Variants in CLCN2 observed in about 807,000 individuals in gnomAD.
CLCN2 encodes the protein chloride channel protein 2.
Under a neutral mutation model 108.3 loss-of-function variants are expected in CLCN2, and 72 were observed. The observed-to-expected ratio is 0.66, with a 90% CI of 0.55 to 0.81. The LOEUF (loss-of-function observed/expected upper bound fraction) is 0.81, where lower values mean the gene tolerates loss of function less well. Among genes scored for constraint, CLCN2 ranks in the 30% least tolerant of loss-of-function variants. The pLI is 0.00. For synonymous variants in CLCN2, 471 were observed against 467.1 expected (o/e 1.01, Z -0.11); for missense variants, 1,048 against 1,205.2 (o/e 0.87, Z 1.93).
rs1711516060 is a variant in CLCN2, at chr3:184,357,841, T to C, written c.631A>G (p.Ile211Val). 1 of 1,613,818 alleles carries C rather than the reference T, an allele frequency of 6.2e-7. No homozygotes were observed. Among genetic ancestry groups the C allele is most frequent in the Non-Finnish European group, 8.5e-7 (1 of 1,180,040 alleles). ...AGAAGGGCAGCACACATGCTTGCGA[T>C]ATGCACAAAAGGGCCCTGCGGGGTG... ...PLGKEGPFVH[I>V]ASMCAALLSK... The change falls in exon 6 of 24, where the codon ATC becomes GTC. Residue 211 changes from isoleucine to valine, a missense_variant. Ile to Val is a conservative substitution (Grantham distance 29). Transcript: ENST00000265593.
Position 184,353,292 on chromosome 3 carries a change from A to T in CLCN2, c.1986T>A (p.Asp662Glu). Reference sequence around the variant, plus strand: ...CCTCAGGGGTAGGGGGACCCTCCTGATCAGATAGTGGAGAGGTCTGGGTGG... The same window carrying T: ...CCTCAGGGGTAGGGGGACCCTCCTGTTCAGATAGTGGAGAGGTCTGGGTGG... ...RRATQTSPLS[D>E]QEGPPTPEAS... Residue 662 changes from aspartate to glutamate, a missense_variant, in exon 17 of 24, where the codon GAT becomes GAA. Coordinates refer to ENST00000265593, the MANE Select transcript of CLCN2 (RefSeq NM_004366.6). 6.2e-7 allele frequency: 1 copy of T among 1,613,766 alleles called. No homozygotes were observed.
Position 184,346,607 on chromosome 3 carries a change from C to T in CLCN2, c.2696G>A (p.Ter899=), listed in dbSNP as rs1727681354. ...CATCCTAGGCCACCCACGAGGGGCT[C>T]ATTGGCATTTGTCGTCGCTGTCGGA... ...SPSDSDDKCQ[*] Residue 899 remains the stop codon, a stop_retained_variant, in exon 24 of 24, where the codon TGA becomes TAA. Coordinates refer to ENST00000265593, the MANE Select transcript of CLCN2 (RefSeq NM_004366.6). The surrounding 1 kb of genome is among the most constrained non-coding windows in gnomAD (Gnocchi z 6.0). 1 of 1,613,872 alleles carries T rather than the reference C, an allele frequency of 6.2e-7. No individual in the cohort carries two copies. Among genetic ancestry groups the T allele is most frequent in the Non-Finnish European group, 8.5e-7 (1 of 1,180,038 alleles).
chr3:184,360,651 G>T (rs1711939367), intron 1 of CLCN2, among the ~76,000 whole-genome samples: 1 of 152,154 alleles, frequency 6.6e-6, no homozygotes, highest in Non-Finnish European at 1.5e-5. Flanking sequence ...CTAGGGCTTG[G>T]GTCTTCCACC....
rs111274390 is a variant in CLCN2, at chr3:184,355,835, T to C, written c.1086-57A>G. 1 of 1,402,888 alleles carries C rather than the reference T, an allele frequency of 7.1e-7. No homozygotes were observed. The highest frequency in any genetic ancestry group is 1.0e-6 in the Non-Finnish European group (1 of 993,924). 86.9% of individuals were successfully genotyped at this position (1,402,888 alleles called of 1,614,324 possible). A position where few individuals can be genotyped will look rare whatever the true frequency, so the allele number is the denominator to read the frequency against. ...TGGCCAAGGGCTGGGTGGCCTCGCA[T>C]ATCTCAGGGCTGAGGTCAGAGCAGA... On this transcript the variant is annotated intron_variant, in intron 10 of 23. Transcript: ENST00000265593. The surrounding 1 kb of genome is among the most constrained non-coding windows in gnomAD (Gnocchi z 6.3).
chr3:184,355,623 ACTGGGG>A lies in CLCN2; in HGVS notation c.1170+65_1170+70del. On this transcript the variant is annotated intron_variant, in intron 11 of 23. Transcript: ENST00000265593. The surrounding 1 kb of genome is among the most constrained non-coding windows in gnomAD (Gnocchi z 6.3). ...GGGGAACAAGGGGTCCCACAGTCAC[ACTGGGG>A]CTGTTGGCTTTGGAGGAATGCCTTC... 6.2e-7 allele frequency: 1 copy of A among 1,603,466 alleles called. No homozygotes were observed. The highest frequency in any genetic ancestry group is 1.1e-5 in the South Asian group (1 of 90,878).
chr3:184,360,817 G>A (rs1487183911), intron 1 of CLCN2, among the ~76,000 whole-genome samples: 1 of 152,188 alleles, frequency 6.6e-6, no homozygotes, highest in East Asian at 1.9e-4. Flanking sequence ...CATAGACAAA[G>A]GTCCCAATTC....
chr3:184,350,339 C>T (rs1404185482), intron 22 of CLCN2, among the ~76,000 whole-genome samples: 2 of 152,118 alleles, frequency 1.3e-5, no homozygotes, highest in Non-Finnish European at 2.9e-5. Flanking sequence ...GGCACGTGAC[C>T]TCCTCGCTGC....
Position 184,352,510 on chromosome 3 carries a change from A to G in CLCN2, c.2218-14T>C. ...GGATTCCAACTTCTTCAGTTTTGTT[A>G]GAGCCAAACCAGAAAGATGAGGAGT... On this transcript the variant is annotated splice_polypyrimidine_tract_variant and intron_variant, in intron 19 of 23. Coordinates refer to ENST00000265593, the MANE Select transcript of CLCN2 (RefSeq NM_004366.6). 1 of 1,612,238 alleles carries G rather than the reference A, an allele frequency of 6.2e-7. No homozygotes were observed. Among genetic ancestry groups the G allele is most frequent in the Non-Finnish European group, 8.5e-7 (1 of 1,179,512 alleles).
At chr3:184,360,388 C>A (rs573613993) in intron 1 of CLCN2, among the ~76,000 whole-genome samples, 60 of 152,156 alleles carry the variant, frequency 3.9e-4, no homozygotes, top group Middle Eastern at 6.8e-3. Flanking sequence ...AGGTGCCTGG[C>A]TTCCTTGACC....
rs1462158807 is a variant in CLCN2, at chr3:184,346,988, G to T, written c.2449C>A (p.His817Asn). Reference protein sequence around the residue: ...HTIFSLLGVDHAYVTSIGRLI... With the variant: ...HTIFSLLGVDNAYVTSIGRLI... The stretch of plus-strand genomic sequence containing the variant: ...CTGCCAATACTGGTGACATAAGCAT[G>T]GTCCACTCCCAGCAGTGAGAAGATA... Residue 817 changes from histidine (H) to asparagine (N), a missense_variant, in exon 23 of 24, where the codon CAT (histidine) becomes AAT (asparagine). Transcript: ENST00000265593. This position sits in a 1 kb window ranked among gnomAD's most constrained non-coding sequence, Gnocchi z 6.0. The T allele has an allele frequency of 6.2e-7, 1 of 1,613,972 alleles. No homozygotes were observed. Among genetic ancestry groups the T allele is most frequent in the Non-Finnish European group, 8.5e-7 (1 of 1,179,966 alleles).
intron 10 of CLCN2, chr3:184,356,598 C>G (rs1285144013): frequency 4.9e-6 from 1 of 204,942 alleles, no homozygotes; most frequent in Non-Finnish European, 9.9e-6. Flanking sequence ...GAGATCGCAC[C>G]ATTGCACTCC....
At chr3:184,360,058 G>C (rs1285083848) in intron 1 of CLCN2, among the ~76,000 whole-genome samples, 2 of 151,954 alleles carry the variant, frequency 1.3e-5, no homozygotes, top group Admixed American at 1.3e-4. Flanking sequence ...GCAAAGAGAA[G>C]AGAGGGAACT....
Position 184,346,658 on chromosome 3 carries a change from T to C in CLCN2, c.2645A>G (p.His882Arg), listed in dbSNP as rs201220597. 35 of 1,614,180 alleles carry C rather than the reference T, an allele frequency of 2.2e-5. No individual in the cohort carries two copies. The East Asian group carries it at 7.4e-4, about 34-fold the overall frequency. ...AGGGCTGCCCTCCCGGGGGAGGCCA[T>C]GACGGGAGTGGGGCCCCCAGAGTGC... ...VHALWGPHSR[H>R]GLPREGSPSD... The change falls in exon 24 of 24, where the codon CAT becomes CGT. Residue 882 changes from histidine to arginine, a missense_variant. By Grantham distance (29) the His-to-Arg change is conservative (BLOSUM62 0). Transcript: ENST00000265593. This position sits in a 1 kb window ranked among gnomAD's most constrained non-coding sequence, Gnocchi z 6.0.
intron 5 of CLCN2, 50 bp downstream of exon 5, chr3:184,357,912 G>A: frequency 1.2e-6 from 2 of 1,613,586 alleles, no homozygotes; most frequent in Non-Finnish European, 1.7e-6. Flanking sequence ...CCTTGGCCTG[G>A]CCTCCTCTTC....
At position 184,351,867 on chromosome 3, in the gene CLCN2, TATGTCTAAA is replaced by T. The variant is rs1728123088; in HGVS notation, c.2415+137_2415+145del. The T allele has an allele frequency of 6.7e-6, 5 of 742,260 alleles. No individual in the cohort carries two copies. In the East Asian group the frequency reaches 9.8e-5, roughly 15 times the overall value. 46.0% of individuals were successfully genotyped at this position (742,260 alleles called of 1,614,324 possible). On this transcript the variant is annotated intron_variant, in intron 22 of 23. Coordinates refer to ENST00000265593, the MANE Select transcript of CLCN2 (RefSeq NM_004366.6). ...CTCCCACCTCCCATCATCCAAGCAG[TATGTCTAAA>T]AAACATCTCCGCACTGAGCCAACTC...
At chr3:184,353,914 A>G (rs1003407380) in intron 15 of CLCN2, 119 bp from the exon 16 acceptor site, 12 of 1,485,428 alleles carry the variant, frequency 8.1e-6, no homozygotes, top group African/African-American at 2.8e-5. Flanking sequence ...GGAGCTAAGG[A>G]CCAAGGGGTG....
chr3:184,358,997 C>T lies in CLCN2; in HGVS notation c.198G>A (p.Arg66=). The T allele has an allele frequency of 6.2e-7, 1 of 1,613,628 alleles. No homozygotes were observed. The highest frequency in any genetic ancestry group is 1.1e-5 in the South Asian group (1 of 91,088). Reference sequence around the variant, plus strand: ...CACCGCGGCATCGGGCGCAACGGCTCCGTCCATATTCCAAGAGCTCTGGGG... The same window carrying T: ...CACCGCGGCATCGGGCGCAACGGCTTCGTCCATATTCCAAGAGCTCTGGGG... ...RAAPELLEYG[R]SRCARCRVCS... The change falls in exon 2 of 24, where the codon CGG becomes CGA. Residue 66 remains arginine, a synonymous_variant. Transcript: ENST00000265593.
rs781255409 is a variant in CLCN2, at chr3:184,346,768, T to C, written c.2535A>G (p.Ala845=). 4 of 1,614,042 alleles carry C rather than the reference T, an allele frequency of 2.5e-6. No individual in the cohort carries two copies. Among genetic ancestry groups the C allele is most frequent in the Non-Finnish European group, 3.4e-6 (4 of 1,180,000 alleles). ...LRKAIEGSVT[A]QGVKVRPPLA... is the part of the protein sequence containing the mutation. ...GGGGCGGCCGGACTTTCACACCCTG[T>C]GCTGTGACAGAGCCCTCGATGGCCT... Residue 845 remains alanine (A), a synonymous_variant, in exon 24 of 24, where the codon GCA becomes GCG. Coordinates refer to ENST00000265593, the MANE Select transcript of CLCN2 (RefSeq NM_004366.6). The surrounding 1 kb of genome is among the most constrained non-coding windows in gnomAD (Gnocchi z 6.0).
chr3:184,354,667 AG>A lies in CLCN2; in HGVS notation c.1397-10del, dbSNP rs774493571. Reference sequence around the variant, plus strand: ...ACGCCCAAATGCTGCTCCTTCAGGGAGGGGGGTGGGAAGAGAAAGAGGCAGT... The same window carrying A: ...ACGCCCAAATGCTGCTCCTTCAGGGAGGGGGTGGGAAGAGAAAGAGGCAGT... On this transcript the variant is annotated splice_polypyrimidine_tract_variant and intron_variant, in intron 13 of 23. Transcript: ENST00000265593. 34 of 949,202 alleles carry A rather than the reference AG, an allele frequency of 3.6e-5. 1 individual carries two copies. Among genetic ancestry groups the A allele is most frequent in the East Asian group, 1.7e-4 (3 of 17,418 alleles). The allele number at this position is 949,202 out of a possible 1,614,324, so 58.8% of individuals were successfully genotyped here. A position where few individuals can be genotyped will look rare whatever the true frequency, so the allele number is the denominator to read the frequency against.
Sources: allele counts gnomAD v4.1 joint callset (sites outside exome capture counted in the v4.1 genomes callset), GRCh38; gene constraint gnomAD v4.1.1; non-coding constraint Gnocchi (gnomAD v3.1); transcripts MANE v1.5; gene names NCBI Gene and HGNC (gene_info 2026-07-23, HGNC 2026-07-21).